Variants in SSBP3 observed in about 807,000 individuals in gnomAD.
SSBP3 encodes single-stranded DNA-binding protein 3.
Under a neutral mutation model 69.6 loss-of-function variants are expected in SSBP3, and 5 were observed. That is an observed-to-expected ratio of 0.07 (90% CI 0.04 to 0.15). The LOEUF is 0.15. Ranked by LOEUF, SSBP3 falls within the 10% of genes least tolerant of loss-of-function variation. SSBP3 has a pLI of 1.00. For missense variants in SSBP3, 312 were observed against 534.0 expected (o/e 0.58, Z 4.10); for synonymous variants, 196 against 193.4 (o/e 1.01, Z -0.11).
At chr1:54,270,250 C>T (rs1173013199) in intron 5 of SSBP3, among the ~76,000 whole-genome samples, 1 of 152,160 alleles carries the variant, frequency 6.6e-6, no homozygotes, top group Non-Finnish European at 1.5e-5. Context: ...CAGGTGAAGA[C>T]CCAGCTCCCC....
At chr1:54,316,689 TAAATAAATAAATAAATAAATAAAATA>T in intron 4 of SSBP3, among the ~76,000 whole-genome samples, 1 of 127,936 alleles carries the variant, frequency 7.8e-6, no homozygotes, top group South Asian at 2.4e-4. Context: ...AATAAATAAA[TAAATAAATAAATAAATAAATAAAATA>T]AAATAAAATA....
chr1:54,280,677 T>C (rs1024624254), intron 5 of SSBP3, among the ~76,000 whole-genome samples: 2 of 151,846 alleles, frequency 1.3e-5, no homozygotes, highest in Non-Finnish European at 2.9e-5. Flanking sequence ...CAGTCTCAAG[T>C]TGGCTTAAAT....
rs149899085 is a variant in SSBP3 at position 54,241,537 on chromosome 1, C to T, written c.766-28G>A. ...AAAAACAAGATGTCAGGGAGCCCCA[C>T]GTCAGAGTCACTGAGTGCCCTCAGC... On this transcript the variant is annotated intron_variant, in intron 11 of 17. Coordinates refer to ENST00000610401, the Ensembl canonical transcript of SSBP3. The T allele has an allele frequency of 4.9e-4, 792 of 1,613,112 alleles. 1 individual carries two copies. In the African/African-American group the frequency reaches 7.3e-3, roughly 15 times the overall value.
upstream of SSBP3, among the ~76,000 whole-genome samples, chr1:54,407,276 C>A (rs985912279): frequency 7.2e-5 from 11 of 152,204 alleles, no homozygotes; most frequent in Admixed American, 2.0e-4. Flanking sequence ...GGAAAGGGTG[C>A]CACTCGGAGA....
At chr1:54,396,798 C>T (rs1292800973) in intron 4 of SSBP3, among the ~76,000 whole-genome samples, 1 of 152,164 alleles carries the variant, frequency 6.6e-6, no homozygotes. Flanking sequence ...GTTTGGGTCC[C>T]CACCACTCCC....
At chr1:54,233,414 C>T (rs1035453238) in intron 14 of SSBP3, among the ~76,000 whole-genome samples, 1 of 150,846 alleles carries the variant, frequency 6.6e-6, no homozygotes, top group Non-Finnish European at 1.5e-5. Context: ...TGAGGAGCCT[C>T]TCCGCCCGGC....
chr1:54,294,301 C>A (rs1200259872), intron 4 of SSBP3, among the ~76,000 whole-genome samples: 1 of 152,090 alleles, frequency 6.6e-6, no homozygotes, highest in Non-Finnish European at 1.5e-5. Context: ...TTGGCTACAT[C>A]CTAACAACTC....
At chr1:54,242,979 TC>T (rs1188048998) in intron 10 of SSBP3, 2 of 440,552 alleles carry the variant, frequency 4.5e-6, no homozygotes, top group African/African-American at 4.0e-5. Context: ...ATAAAAATCA[TC>T]GCGTCATAGG....
chr1:54,410,460 G>A (rs908441735), upstream of SSBP3, among the ~76,000 whole-genome samples: 4 of 152,208 alleles, frequency 2.6e-5, no homozygotes, highest in Admixed American at 6.5e-5. Context: ...GCTCCTCACA[G>A]CTGCTAGGAG....
chr1:54,378,557 T>C (rs1417278567), intron 4 of SSBP3, among the ~76,000 whole-genome samples: 1 of 152,176 alleles, frequency 6.6e-6, no homozygotes, highest in Non-Finnish European at 1.5e-5. Flanking sequence ...CCTCCAAAGC[T>C]GCTCCCTCGG....
intron 4 of SSBP3, among the ~76,000 whole-genome samples, chr1:54,346,980 T>A (rs959387629): frequency 1.1e-4 from 16 of 152,050 alleles, no homozygotes; most frequent in African/African-American, 2.4e-4. Context: ...ATATACATTT[T>A]AAAATTTTTT....
At chr1:54,343,292 C>T (rs1646639489) in intron 4 of SSBP3, among the ~76,000 whole-genome samples, 1 of 152,248 alleles carries the variant, frequency 6.6e-6, no homozygotes, top group Non-Finnish European at 1.5e-5. Context: ...CTGGATCTAA[C>T]TGTACGGCCC....
intron 4 of SSBP3, among the ~76,000 whole-genome samples, chr1:54,335,222 A>G (rs1646488570): frequency 6.6e-6 from 1 of 152,248 alleles, no homozygotes. Flanking sequence ...CACATGTGCA[A>G]ACTGTTGTCA....
intron 4 of SSBP3, among the ~76,000 whole-genome samples, chr1:54,384,676 C>G (rs1003765227): frequency 6.6e-6 from 1 of 152,254 alleles, no homozygotes; most frequent in African/African-American, 2.4e-5. Context: ...AGAGCTGGCC[C>G]TTCTCTAACT....
intron 4 of SSBP3, among the ~76,000 whole-genome samples, chr1:54,316,677 T>TAA (rs1294148762): frequency 1.0e-5 from 1 of 96,240 alleles, no homozygotes; most frequent in Non-Finnish European, 1.9e-5. Context: ...AATAAATAAA[T>TAA]AAATAAATAA....
At chr1:54,321,371 G>T (rs1646209484) in intron 4 of SSBP3, among the ~76,000 whole-genome samples, 1 of 152,234 alleles carries the variant, frequency 6.6e-6, no homozygotes. Flanking sequence ...GGACTTGAGT[G>T]GGGCTGTCAT....
At chr1:54,300,314 G>C (rs74686390) in intron 4 of SSBP3, among the ~76,000 whole-genome samples, 4,339 of 152,212 alleles carry the variant, frequency 0.029, 206 homozygotes, top group African/African-American at 0.1. Context: ...GCTGGCCTGG[G>C]GTCTCAGGAG....
At chr1:54,283,362 T>C (rs759917337) in intron 4 of SSBP3, among the ~76,000 whole-genome samples, 1 of 151,626 alleles carries the variant, frequency 6.6e-6, no homozygotes, top group Non-Finnish European at 1.5e-5. Flanking sequence ...ACTAATATAC[T>C]GCATGCAACA....
At chr1:54,260,589 G>A (rs1645000859) in intron 5 of SSBP3, among the ~76,000 whole-genome samples, 1 of 152,248 alleles carries the variant, frequency 6.6e-6, no homozygotes, top group Non-Finnish European at 1.5e-5. Flanking sequence ...GCCTCCCTCA[G>A]AAGCGCCCCT....
Sources: gnomAD v4.1 joint callset for allele counts (sites outside exome capture counted in the v4.1 genomes callset) on GRCh38, gnomAD v4.1.1 for gene constraint, MANE v1.5 for transcripts, NCBI Gene and HGNC (gene_info 2026-07-23, HGNC 2026-07-21) for gene names.